The following PASD1 variants were observed in gnomAD, a reference collection of about 807,000 sequenced individuals.
PASD1 encodes PAS domain containing repressor 1.
PASD1 carries 13 observed loss-of-function variants against 58.8 expected under a neutral mutation model. That is an observed-to-expected ratio of 0.22 (90% CI 0.14 to 0.35). The LOEUF (loss-of-function observed/expected upper bound fraction) is 0.35. PASD1 is among the 10% of genes least tolerant of loss of function. The pLI is 1.00. For synonymous variants in PASD1, 236 were observed against 216.7 expected (o/e 1.09, Z -0.78); for missense variants, 734 against 568.3 (o/e 1.29, Z -2.96).
At chrX:151,580,480 A>G (rs1490574033) in intron 1 of PASD1, among the ~76,000 whole-genome samples, 5 of 99,425 alleles carry the variant, frequency 5.0e-5, no homozygotes, top group Admixed American at 4.3e-4. Context: ...TCCTTCGAAC[A>G]TGCTCCCTTT....
chrX:151,639,660 C>T (rs149748353), intron 8 of PASD1, among the ~76,000 whole-genome samples: 2 of 111,854 alleles, frequency 1.8e-5, no homozygotes, highest in African/African-American at 3.2e-5. Flanking sequence ...TTTCTACTCT[C>T]GTACTGACAC....
intron 1 of PASD1, among the ~76,000 whole-genome samples, chrX:151,592,210 C>G (rs991605234): frequency 1.3e-4 from 15 of 112,266 alleles, no homozygotes; most frequent in Admixed American, 8.5e-4. Context: ...AAAAAACTTA[C>G]TGGTCTGATC....
At chrX:151,596,417 C>CA (rs1264400764) in intron 1 of PASD1, among the ~76,000 whole-genome samples, 2 of 111,886 alleles carry the variant, frequency 1.8e-5, no homozygotes, top group African/African-American at 6.5e-5. Context: ...AGTGAGAACT[C>CA]ACGACCAGGA....
At chrX:151,616,125 C>T (rs1314322340) in intron 4 of PASD1, among the ~76,000 whole-genome samples, 3 of 111,867 alleles carry the variant, frequency 2.7e-5, no homozygotes, top group Non-Finnish European at 5.6e-5. Context: ...CATCCCTTTT[C>T]CTCTGAGATG....
chrX:151,622,293 G>C (rs948711651), intron 6 of PASD1, among the ~76,000 whole-genome samples: 2 of 110,269 alleles, frequency 1.8e-5, no homozygotes, highest in African/African-American at 6.6e-5. Context: ...TCTGGGACTT[G>C]AATCAGAGGT....
At position 151,674,116 on chromosome X, in the gene PASD1, C is replaced by G; in HGVS notation, c.2105C>G (p.Pro702Arg). 1.7e-6 allele frequency: 2 copies of G among 1,211,826 alleles called. No individual in the cohort carries two copies. The highest frequency in any genetic ancestry group is 2.2e-6 in the Non-Finnish European group (2 of 895,376). The change falls in exon 15 of 16, where the codon CCT becomes CGT. Residue 702 changes from proline to arginine, a missense_variant. Physicochemically the swap from Pro to Arg is moderately radical, Grantham distance 103. Coordinates refer to ENST00000370357, the MANE Select transcript of PASD1 (RefSeq NM_173493.3). ...LWQELSDSLG[P>R]VVQVNTWSCD... The stretch of plus-strand genomic sequence containing the variant: ...CAAGAGTTGTCTGATTCACTCGGTC[C>G]TGTTGTCCAAGTGAACACTTGGTCT...
chrX:151,579,381 A>T, intron 1 of PASD1, among the ~76,000 whole-genome samples: 1 of 112,079 alleles, frequency 8.9e-6, no homozygotes, highest in Non-Finnish European at 1.9e-5. Context: ...AAATATATAT[A>T]AAATGAAGTT....
rs1160928769 is a variant in PASD1, at chrX:151,653,867, C to CTT, written c.717+5165_717+5166insTT. Among the ~76,000 whole-genome samples the CTT allele has an allele frequency of 5.0e-4, 10 of 19,865 alleles. 1 individual carries two copies. Among genetic ancestry groups the CTT allele is most frequent in the Admixed American group, 2.4e-3 (3 of 1,231 alleles). 17.3% of individuals were successfully genotyped at this position (19,865 alleles called of 115,157 possible). Reference sequence around the variant, plus strand: ...CCTTCCCTCCCTCCCTCCCTCCCTCCCTCTTTCTTTCTTTCTTTCTTTCTT... The same window carrying CTT: ...CCTTCCCTCCCTCCCTCCCTCCCTCCTTCTCTTTCTTTCTTTCTTTCTTTCTT... On this transcript the variant is annotated intron_variant, in intron 9 of 15. Coordinates refer to ENST00000370357, the MANE Select transcript of PASD1 (RefSeq NM_173493.3).
intron 3 of PASD1, among the ~76,000 whole-genome samples, chrX:151,610,068 T>G (rs73638091): frequency 0.02 from 2,173 of 111,371 alleles, 45 homozygotes; most frequent in African/African-American, 0.065. Flanking sequence ...TATTTGGGCT[T>G]CCTGAATCTT....
At chrX:151,599,970 G>C (rs999679722) in intron 1 of PASD1, among the ~76,000 whole-genome samples, 2 of 112,240 alleles carry the variant, frequency 1.8e-5, no homozygotes, top group African/African-American at 6.5e-5. Context: ...ACCAGCCTGG[G>C]CAACATTGAG....
chrX:151,576,677 A>ATG (rs768029358), intron 1 of PASD1, among the ~76,000 whole-genome samples: 5 of 110,584 alleles, frequency 4.5e-5, no homozygotes, highest in Non-Finnish European at 9.4e-5. Context: ...GTGTGTGTGT[A>ATG]TGTGTGTGTG....
At chrX:151,590,309 A>T (rs1045105754) in intron 1 of PASD1, among the ~76,000 whole-genome samples, 2 of 112,183 alleles carry the variant, frequency 1.8e-5, no homozygotes, top group African/African-American at 6.5e-5. Context: ...CAGCCCTGAG[A>T]TATGTAAGTA....
At chrX:151,569,199 A>G (rs1051267341) in intron 1 of PASD1, among the ~76,000 whole-genome samples, 4 of 112,249 alleles carry the variant, frequency 3.6e-5, no homozygotes, top group African/African-American at 1.3e-4. Context: ...AGCAATAAAT[A>G]TATTCCTTAG....
chrX:151,578,358 T>C (rs1462508001), intron 1 of PASD1: 1 of 112,492 alleles, frequency 8.9e-6, no homozygotes, highest in Non-Finnish European at 1.9e-5. Flanking sequence ...GATACCATTT[T>C]ATATATATGA....
chrX:151,632,638 T>C (rs1273556096), intron 8 of PASD1, among the ~76,000 whole-genome samples: 1 of 111,945 alleles, frequency 8.9e-6, no homozygotes, highest in African/African-American at 3.2e-5. Context: ...ACTTGGCTAT[T>C]TCTACTAATT....
At chrX:151,579,170 T>C (rs895591589) in intron 1 of PASD1, among the ~76,000 whole-genome samples, 11 of 112,402 alleles carry the variant, frequency 9.8e-5, no homozygotes, top group Admixed American at 5.7e-4. Context: ...GTTTAATACA[T>C]AATTTTGAAA....
intron 1 of PASD1, among the ~76,000 whole-genome samples, chrX:151,594,889 A>G (rs763530092): frequency 6.3e-5 from 7 of 110,989 alleles, no homozygotes; most frequent in Non-Finnish European, 1.3e-4. Context: ...AGTTTTCTCA[A>G]AGGGTGTATT....
chrX:151,575,960 T>G (rs111286561), intron 1 of PASD1, among the ~76,000 whole-genome samples: 1 of 110,677 alleles, frequency 9.0e-6, no homozygotes. Flanking sequence ...ACCTCCCAGG[T>G]TCAAGTGATT....
intron 4 of PASD1, among the ~76,000 whole-genome samples, chrX:151,612,999 G>A (rs1225380565): frequency 2.7e-5 from 3 of 111,551 alleles, no homozygotes; most frequent in Non-Finnish European, 3.8e-5. Flanking sequence ...TTTGTATAAG[G>A]TGTAAGGAAG....
Sources: allele counts gnomAD v4.1 joint callset (sites outside exome capture counted in the v4.1 genomes callset), GRCh38; gene constraint gnomAD v4.1.1; transcripts MANE v1.5; gene names NCBI Gene and HGNC (gene_info 2026-07-23, HGNC 2026-07-21).